Variants in ATP10D observed in about 807,000 individuals in gnomAD.
ATP10D encodes ATPase phospholipid transporting 10D (putative).
In ATP10D, 89 loss-of-function variants were observed where a neutral mutation model predicts 144.8. The ratio of observed to expected loss-of-function variants is 0.61; its 90% CI spans 0.52 to 0.73. The LOEUF is 0.73. Among genes scored for constraint, ATP10D ranks in the 30% least tolerant of loss-of-function variants. The probability of loss-of-function intolerance (pLI) is 0.00; values close to 1 mark genes in which losing one functional copy is unlikely to be tolerated. For missense variants in ATP10D, 1,603 were observed against 1,714.8 expected, an observed-to-expected ratio of 0.93 and a Z score of 1.15; for synonymous variants, 571 against 615.1, an observed-to-expected ratio of 0.93 and a Z score of 1.06.
rs147322228 is a variant in ATP10D, at chr4:47,563,789, GTTC to G, written c.2853+29_2853+31del. 1.5e-3 allele frequency: 2,195 copies of G among 1,500,078 alleles called. 58 individuals carry two copies. In the East Asian group the frequency reaches 0.045, roughly 31 times the overall value. The allele number at this position is 1,500,078 out of a possible 1,614,324, so 92.9% of individuals were successfully genotyped here. A position where few individuals can be genotyped will look rare whatever the true frequency, so the allele number is the denominator to read the frequency against. On this transcript the variant is annotated intron_variant, in intron 15 of 22. Coordinates refer to ENST00000273859, the MANE Select transcript of ATP10D (RefSeq NM_020453.4). ...AAGTGCGTATATTGAGATTAAATCT[GTTC>G]TTCTGTATTTTCAAAGGCATTGGAA...
chr4:47,493,400 C>CGCTT (rs1194136402), intron 1 of ATP10D, among the ~76,000 whole-genome samples: 2 of 152,156 alleles, frequency 1.3e-5, no homozygotes, highest in African/African-American at 2.4e-5. Context: ...TTCTGTCTTT[C>CGCTT]GCTTCCAGTA....
intron 3 of ATP10D, among the ~76,000 whole-genome samples, chr4:47,516,863 A>C (rs1716715117): frequency 6.6e-6 from 1 of 152,256 alleles, no homozygotes; most frequent in Non-Finnish European, 1.5e-5. Flanking sequence ...ATTTAAAGGC[A>C]TAGAGCATTT....
At chr4:47,513,406 T>C (rs1716468766) in intron 2 of ATP10D, among the ~76,000 whole-genome samples, 1 of 152,090 alleles carries the variant, frequency 6.6e-6, no homozygotes, top group African/African-American at 2.4e-5. Flanking sequence ...TATATACATA[T>C]ATAAAACAAA....
chr4:47,515,999 G>A (rs1391286905), intron 3 of ATP10D, among the ~76,000 whole-genome samples: 3 of 152,202 alleles, frequency 2.0e-5, no homozygotes, highest in Non-Finnish European at 4.4e-5. Flanking sequence ...AGAGGCTGAG[G>A]CGGGTGGATC....
At position 47,546,970 on chromosome 4, in the gene ATP10D, G is replaced by A. The variant is rs1051240925; in HGVS notation, c.1635+108G>A. On this transcript the variant is annotated intron_variant, in intron 10 of 22. Coordinates refer to ENST00000273859, the MANE Select transcript of ATP10D (RefSeq NM_020453.4). ...CTCTGTTGTCTTTTCTACCTTAGAA[G>A]AGACTACATGATTGCAGCTCAGCAA... 6 of 1,014,440 alleles carry A rather than the reference G, an allele frequency of 5.9e-6. No homozygotes were observed. In the East Asian group the frequency reaches 7.4e-5, roughly 13 times the overall value. The allele number at this position is 1,014,440 out of a possible 1,614,324, so 62.8% of individuals were successfully genotyped here.
chr4:47,552,943 G>A (rs1718796648), intron 10 of ATP10D, among the ~76,000 whole-genome samples: 1 of 152,074 alleles, frequency 6.6e-6, no homozygotes, highest in Non-Finnish European at 1.5e-5. Context: ...TAAAAAACTT[G>A]TTTAAACTTT....
In ATP10D at chr4:47,580,496, C is replaced by G. The variant is rs1720458167; in HGVS notation, c.3648+18C>G. 6.3e-7 allele frequency: 1 copy of G among 1,593,458 alleles called. No individual in the cohort carries two copies. Among genetic ancestry groups the G allele is most frequent in the African/African-American group, 1.3e-5 (1 of 74,514 alleles). ...CTTATTTTGTGAGTCTTTGTTCACT[C>G]AGTATATTTGTTATTAATGAATCAA... is the stretch of plus-strand genomic sequence containing the variant. On this transcript the variant is annotated intron_variant, in intron 20 of 22. Coordinates refer to ENST00000273859, the MANE Select transcript of ATP10D (RefSeq NM_020453.4).
chr4:47,487,331 G>A (rs1714824532), intron 1 of ATP10D, among the ~76,000 whole-genome samples: 2 of 152,006 alleles, frequency 1.3e-5, no homozygotes, highest in Admixed American at 1.3e-4. Context: ...TAGAACAGAG[G>A]TGACTCACCT....
rs111824605 is a variant in ATP10D, at chr4:47,573,446, TG to T, written c.3366+450del. Among the ~76,000 whole-genome samples the T allele has an allele frequency of 4.8e-3, 738 of 152,334 alleles. 11 individuals carry two copies. The highest frequency in any genetic ancestry group is 0.017 in the African/African-American group (697 of 41,582). On this transcript the variant is annotated intron_variant, in intron 18 of 22. Coordinates refer to ENST00000273859, the MANE Select transcript of ATP10D (RefSeq NM_020453.4). ...CACAGATACAGATGAAAACCTAGTA[TG>T]TCTTAGCGTGTAGCTGGCTGTTGCT...
intron 11 of ATP10D, among the ~76,000 whole-genome samples, chr4:47,555,354 G>A (rs1718929962): frequency 6.6e-6 from 1 of 152,292 alleles, no homozygotes; most frequent in Admixed American, 6.5e-5. Flanking sequence ...ACCCGTCTGT[G>A]GAAAATTGTC....
At chr4:47,520,316 G>A (rs1360587996) in intron 3 of ATP10D, among the ~76,000 whole-genome samples, 1 of 152,078 alleles carries the variant, frequency 6.6e-6, no homozygotes, top group East Asian at 1.9e-4. Flanking sequence ...TCTTGTAACA[G>A]TAATCCTTCC....
chr4:47,507,989 C>T (rs1264759732), intron 1 of ATP10D, among the ~76,000 whole-genome samples: 1 of 152,180 alleles, frequency 6.6e-6, no homozygotes, highest in African/African-American at 2.4e-5. Context: ...ACCTCCTTAA[C>T]TCATTGGGAG....
At chr4:47,508,939 C>T (rs770549480) in intron 1 of ATP10D, among the ~76,000 whole-genome samples, 7 of 152,150 alleles carry the variant, frequency 4.6e-5, no homozygotes, top group Non-Finnish European at 7.3e-5. Flanking sequence ...TTTGTGATAA[C>T]GCTTGATGAG....
chr4:47,559,111 C>A, intron 13 of ATP10D, 82 bp downstream of exon 13: 1 of 1,059,142 alleles, frequency 9.4e-7, no homozygotes, highest in East Asian at 2.5e-5. Context: ...GTGTAGCAAA[C>A]CCTAATCCAG....
chr4:47,515,423 A>T (rs916854873), intron 2 of ATP10D, 53 bp from the exon 3 acceptor site: 1 of 1,440,490 alleles, frequency 6.9e-7, no homozygotes, highest in East Asian at 2.3e-5. Context: ...TGCCTCTGAC[A>T]TCAGTCCTTG....
chr4:47,562,828 A>T (rs1289368593), intron 14 of ATP10D, among the ~76,000 whole-genome samples: 1 of 148,200 alleles, frequency 6.7e-6, no homozygotes, highest in Non-Finnish European at 1.5e-5. Context: ...AGAAAATGTG[A>T]TATAATATAT....
intron 5 of ATP10D, among the ~76,000 whole-genome samples, chr4:47,529,180 T>C (rs1352335041): frequency 2.0e-5 from 3 of 152,190 alleles, no homozygotes; most frequent in Non-Finnish European, 4.4e-5. Flanking sequence ...TTTGTTGCAT[T>C]TGCTTTCGAA....
intron 1 of ATP10D, 79 bp from the exon 2 acceptor site, chr4:47,512,425 A>G (rs1298185415): frequency 2.2e-6 from 2 of 912,518 alleles, no homozygotes; most frequent in Non-Finnish European, 1.6e-6. Context: ...TTTATTTGGT[A>G]TAGAAAAAAT....
chr4:47,583,526 G>A (rs1416436205), intron 21 of ATP10D, among the ~76,000 whole-genome samples: 2 of 152,152 alleles, frequency 1.3e-5, no homozygotes, highest in Non-Finnish European at 2.9e-5. Flanking sequence ...TGTAGTAAAA[G>A]GTTAATATCT....
Sources: allele counts gnomAD v4.1 joint callset (sites outside exome capture counted in the v4.1 genomes callset), GRCh38; gene constraint gnomAD v4.1.1; transcripts MANE v1.5; gene names NCBI Gene and HGNC (gene_info 2026-07-23, HGNC 2026-07-21).